Variants in EYA1 observed in about 807,000 individuals in gnomAD.
EYA1 encodes protein phosphatase EYA1.
EYA1 carries 16 observed loss-of-function variants against 82.0 expected under a neutral mutation model. That is an observed-to-expected ratio of 0.20 (90% confidence interval 0.13 to 0.30). The LOEUF (loss-of-function observed/expected upper bound fraction) is 0.30. Among genes scored for constraint, EYA1 ranks in the 10% least tolerant of loss-of-function variants. The probability of loss-of-function intolerance (pLI) is 1.00; values close to 1 mark genes in which losing one functional copy is unlikely to be tolerated. For synonymous variants in EYA1, 261 were observed against 264.4 expected, an observed-to-expected ratio of 0.99 and a Z score of 0.12; for missense variants, 633 against 730.7, an observed-to-expected ratio of 0.87 and a Z score of 1.54.
chr8:71,321,208 G>A (rs7834593), intron 6 of EYA1, among the ~76,000 whole-genome samples: 8,471 of 152,130 alleles, frequency 0.056, 768 homozygotes, highest in East Asian at 0.43. Flanking sequence ...AATGTTTCCC[G>A]ATTTGCCTCT....
intron 4 of EYA1, among the ~76,000 whole-genome samples, chr8:71,331,245 T>C (rs957911987): frequency 2.3e-4 from 32 of 136,466 alleles, no homozygotes; most frequent in African/African-American, 4.8e-4. Flanking sequence ...AATAAATAAA[T>C]ACACACACAC....
chr8:71,224,344 A>G (rs907902033), intron 12 of EYA1, among the ~76,000 whole-genome samples: 4 of 152,216 alleles, frequency 2.6e-5, no homozygotes, highest in African/African-American at 9.6e-5. Context: ...ACAAAAATGG[A>G]AGGATAAAAG....
intron 9 of EYA1, among the ~76,000 whole-genome samples, chr8:71,283,127 T>TC (rs11446325): frequency 0.23 from 35,424 of 151,868 alleles, 4,592 homozygotes; most frequent in Admixed American, 0.29. Context: ...GCCTTTACCC[T>TC]CCCACTTTCC....
intron 3 of EYA1, among the ~76,000 whole-genome samples, chr8:71,344,600 A>G (rs888199732): frequency 6.6e-6 from 1 of 152,222 alleles, no homozygotes; most frequent in African/African-American, 2.4e-5. Flanking sequence ...TATCTTTTGT[A>G]AATCAGCCAA....
intron 9 of EYA1, among the ~76,000 whole-genome samples, chr8:71,286,700 A>G (rs1818408483): frequency 6.6e-6 from 1 of 151,746 alleles, no homozygotes; most frequent in African/African-American, 2.4e-5. Flanking sequence ...ATATTCCTCA[A>G]AAATCACCTG....
intron 2 of EYA1, among the ~76,000 whole-genome samples, chr8:71,523,973 TTCCCC>T (rs755677264): frequency 4.6e-5 from 7 of 152,216 alleles, no homozygotes; most frequent in Non-Finnish European, 8.8e-5. Flanking sequence ...GTACACTTCT[TTCCCC>T]AAGTAATTTG....
chr8:71,531,979 T>C (rs1563710698), intron 2 of EYA1, among the ~76,000 whole-genome samples: 1 of 152,200 alleles, frequency 6.6e-6, no homozygotes, highest in African/African-American at 2.4e-5. Flanking sequence ...CAGGGTCATG[T>C]CTACATAGGA....
chr8:71,316,901 T>C (rs1023579277), intron 7 of EYA1, among the ~76,000 whole-genome samples: 1 of 152,216 alleles, frequency 6.6e-6, no homozygotes, highest in Admixed American at 6.5e-5. Flanking sequence ...AATGTCTATG[T>C]ATTCTTGAGA....
chr8:71,503,774 T>C (rs1050381053), intron 2 of EYA1, among the ~76,000 whole-genome samples: 2 of 152,220 alleles, frequency 1.3e-5, no homozygotes, highest in African/African-American at 4.8e-5. Context: ...ACTTAAAAAA[T>C]AGGTAAACTG....
intron 2 of EYA1, among the ~76,000 whole-genome samples, chr8:71,414,101 A>G (rs558407631): frequency 3.3e-5 from 5 of 152,342 alleles, no homozygotes; most frequent in African/African-American, 1.2e-4. Flanking sequence ...GGAAGGCCCT[A>G]CATAGTTATC....
At position 71,463,581 on chromosome 8, in the gene EYA1, C is replaced by T. The variant is rs948679482; in HGVS notation, c.33+72163G>A. 1.2e-3 allele frequency among the ~76,000 whole-genome samples: 21 copies of T among 18,140 alleles called. No homozygotes were observed. In the African/African-American group the frequency reaches 0.018, roughly 16 times the overall value. 11.9% of individuals were successfully genotyped at this position (18,140 alleles called of 152,430 possible). A position where few individuals can be genotyped will look rare whatever the true frequency, so the allele number is the denominator to read the frequency against. On this transcript the variant is annotated intron_variant, in intron 2 of 18. Coordinates refer to the EYA1 transcript ENST00000643681. Reference sequence around the variant, plus strand: ...TTCTTAAGAAATACATGCTTTCTCTCTCTCTCTCTCTCTCTCTCTCTCTCT... The same window carrying T: ...TTCTTAAGAAATACATGCTTTCTCTTTCTCTCTCTCTCTCTCTCTCTCTCT...
intron 12 of EYA1, among the ~76,000 whole-genome samples, chr8:71,224,430 C>G (rs1236709257): frequency 3.9e-5 from 6 of 152,212 alleles, no homozygotes; most frequent in Admixed American, 3.3e-4. Context: ...CTGGCCAAGG[C>G]AGAGGAAGTG....
chr8:71,216,120 G>A (rs1809159415), intron 14 of EYA1, among the ~76,000 whole-genome samples: 1 of 152,108 alleles, frequency 6.6e-6, no homozygotes, highest in African/African-American at 2.4e-5. Context: ...TGGATCTACT[G>A]GTGGTCATTT....
At position 71,349,604 on chromosome 8, in the gene EYA1, G is replaced by A. The variant is rs149055849; in HGVS notation, c.124+5178C>T. 1.7e-4 allele frequency among the ~76,000 whole-genome samples: 26 copies of A among 152,100 alleles called. No homozygotes were observed. The East Asian group carries it at 4.8e-3, about 28-fold the overall frequency. ...CTGTAGAAGTGACTTATTTACATAC[G>A]GTATAGCAGTTAATACTGAGCACTT... On this transcript the variant is annotated intron_variant, in intron 3 of 17. Transcript: ENST00000340726.
At chr8:71,466,457 G>A (rs1808777809) in intron 2 of EYA1, among the ~76,000 whole-genome samples, 1 of 152,108 alleles carries the variant, frequency 6.6e-6, no homozygotes, top group African/African-American at 2.4e-5. Context: ...GAAGTATTGT[G>A]CATGCATATA....
intron 2 of EYA1, among the ~76,000 whole-genome samples, chr8:71,486,486 T>C (rs1174994415): frequency 3.9e-5 from 6 of 152,212 alleles, no homozygotes; most frequent in Admixed American, 2.6e-4. Flanking sequence ...CTTTTTCTCC[T>C]GCCCAGTCGT....
chr8:71,260,035 G>A lies in EYA1; in HGVS notation c.1050+9705C>T, dbSNP rs1214883985. On this transcript the variant is annotated intron_variant, in intron 11 of 17. Transcript: ENST00000340726. ...GGCATCAAATATTAATGAGGAAGCA[G>A]GTTCTCTTTATTGCTAGATACACCT... Among the ~76,000 whole-genome samples, 52 of 152,108 alleles carry A rather than the reference G, an allele frequency of 3.4e-4. 2 individuals carry two copies. Among genetic ancestry groups the A allele is most frequent in the Admixed American group, 3.4e-3 (52 of 15,266 alleles).
At position 71,269,732 on chromosome 8, in the gene EYA1, G is replaced by A; in HGVS notation, c.1050+8C>T. 1.9e-6 allele frequency: 3 copies of A among 1,608,578 alleles called. No homozygotes were observed. Among genetic ancestry groups the A allele is most frequent in the Middle Eastern group, 3.3e-4 (2 of 6,048 alleles). On this transcript the variant is annotated splice_region_variant and intron_variant, in intron 11 of 17. Coordinates refer to ENST00000340726, the MANE Select transcript of EYA1 (RefSeq NM_000503.6). ...AGAAATTAAAAACTGATGCCTCTTG[G>A]TACTCACCCTCCCATATCTGTTGGC...
intron 9 of EYA1, among the ~76,000 whole-genome samples, chr8:71,291,944 G>A (rs191848485): frequency 9.2e-5 from 14 of 152,216 alleles, no homozygotes; most frequent in Admixed American, 5.9e-4. Flanking sequence ...GATATTCTAA[G>A]AGATTTGGGA....
Sources: gnomAD v4.1 joint callset for allele counts (sites outside exome capture counted in the v4.1 genomes callset) on GRCh38, gnomAD v4.1.1 for gene constraint, MANE v1.5 for transcripts, NCBI Gene and HGNC (gene_info 2026-07-23, HGNC 2026-07-21) for gene names.